PARP2: variants seen among roughly 807,000 people sequenced by gnomAD.
The protein encoded by PARP2 is poly [ADP-ribose] polymerase 2.
Under a neutral mutation model 77.8 loss-of-function variants are expected in PARP2, and 57 were observed. That is an observed-to-expected ratio of 0.73 (90% CI 0.59 to 0.91). PARP2 has a LOEUF of 0.91. Ranked by LOEUF, PARP2 falls within the 40% of genes least tolerant of loss-of-function variation. The pLI, the probability that PARP2 is intolerant of heterozygous loss-of-function variation, is 0.00. For synonymous variants in PARP2, 226 were observed against 242.6 expected (o/e 0.93, Z 0.64); for missense variants, 651 against 689.0 (o/e 0.94, Z 0.62).
rs1015519346 is a variant in PARP2 at position 20,355,790 on chromosome 14, T to C, written c.941T>C (p.Leu314Pro). ...CCACTAATCCGGACACAGAAGGAAC[T>C]GTCAGAAAAAATACAATTACTAGAG... The part of the protein sequence containing the change: ...TPPLIRTQKE[L>P]SEKIQLLEAL... The change falls in exon 10 of 16, where the codon CTG becomes CCG. Residue 314 changes from leucine (L) to proline (P), a missense_variant. Coordinates refer to ENST00000429687, the MANE Select transcript of PARP2 (RefSeq NM_001042618.2). 1 of 1,613,474 alleles carries C rather than the reference T, an allele frequency of 6.2e-7. No homozygotes were observed. The highest frequency in any genetic ancestry group is 8.5e-7 in the Non-Finnish European group (1 of 1,179,512).
intron 9 of PARP2, 172 bp downstream of exon 9, chr14:20,355,119 G>A (rs1884097843): frequency 5.1e-6 from 3 of 583,524 alleles, no homozygotes; most frequent in Non-Finnish European, 8.6e-6. Flanking sequence ...TTACAAATAT[G>A]GGATGCAATC....
Position 20,356,033 on chromosome 14 carries a change from T to C in PARP2, c.1101+2T>C. 6.2e-7 allele frequency: 1 copy of C among 1,613,100 alleles called. No homozygotes were observed. The highest frequency in any genetic ancestry group is 8.5e-7 in the Non-Finnish European group (1 of 1,179,582). Reference sequence around the variant, plus strand: ...GACCATGAAAGTTATGAGTTCAAAGTAAGAAAAATGATCATTTATTTTCAT... The same window carrying C: ...GACCATGAAAGTTATGAGTTCAAAGCAAGAAAAATGATCATTTATTTTCAT... On this transcript the variant is annotated splice_donor_variant, in intron 11 of 15. Transcript: ENST00000429687. LOFTEE classifies it high-confidence loss of function.
chr14:20,347,010 CT>C (rs201999457), intron 4 of PARP2, 97 bp downstream of exon 4: 101,169 of 496,780 alleles, frequency 0.2, 242 homozygotes, highest in Non-Finnish European at 0.23. Flanking sequence ...TTTAAAGTCC[CT>C]TTTTTTTTTT....
At chr14:20,356,958 T>C (rs1039257994) in intron 13 of PARP2, 93 bp from the exon 14 acceptor site, 11 of 850,628 alleles carry the variant, frequency 1.3e-5, no homozygotes, top group Non-Finnish European at 2.0e-5. Flanking sequence ...TATATTGTGT[T>C]TAAGGGAATG....
In PARP2 at chr14:20,357,758, C is replaced by T; in HGVS notation, c.1674C>T (p.Tyr558=). Residue 558 remains tyrosine (Y), a synonymous_variant, in exon 16 of 16, where the codon TAC becomes TAT. Transcript: ENST00000429687. ...ACCCCAACCAGGTCCGTATGCGGTA[C>T]CTTTTAAAGGTTCAGTTTAATTTCC... ...VYNPNQVRMR[Y]LLKVQFNFLQ... is the part of the protein sequence containing the mutation. 1 of 1,613,540 alleles carries T rather than the reference C, an allele frequency of 6.2e-7. No individual in the cohort carries two copies. Among genetic ancestry groups the T allele is most frequent in the South Asian group, 1.1e-5 (1 of 90,910 alleles).
rs372400226 is a variant in PARP2 at position 20,357,487 on chromosome 14, A to C, written c.1520A>C (p.Lys507Thr). ...QGKHSTKGLG[K>T]MAPSSAHFVT... is the part of the protein sequence containing the mutation. Reference sequence around the variant, plus strand: ...AAACATAGCACCAAGGGGCTGGGCAAGATGGCTCCCAGTTCTGCCCACTTC... The same window carrying C: ...AAACATAGCACCAAGGGGCTGGGCACGATGGCTCCCAGTTCTGCCCACTTC... Residue 507 changes from lysine to threonine, a missense_variant, in exon 15 of 16, where the codon AAG becomes ACG. By Grantham distance (78) the Lys-to-Thr change is moderately conservative. Transcript: ENST00000429687. The C allele has an allele frequency of 1.2e-6, 2 of 1,613,558 alleles. No individual in the cohort carries two copies. The highest frequency in any genetic ancestry group is 1.7e-6 in the Non-Finnish European group (2 of 1,179,876).
intron 4 of PARP2, 81 bp from the exon 5 acceptor site, chr14:20,350,445 G>A (rs1172718560): frequency 4.4e-6 from 3 of 686,496 alleles, no homozygotes; most frequent in East Asian, 2.5e-5. Flanking sequence ...ACTGGCACCT[G>A]TGACGAAGGA....
At position 20,352,311 on chromosome 14, in the gene PARP2, T is replaced by C. The variant is rs1267973041; in HGVS notation, c.564T>C (p.Tyr188=). 2 of 1,611,692 alleles carry C rather than the reference T, an allele frequency of 1.2e-6. No individual in the cohort carries two copies. The highest frequency in any genetic ancestry group is 1.3e-5 in the African/African-American group (1 of 74,878). ...REKFEKVPGK[Y]DMLQMDYATN... Reference sequence around the variant, plus strand: ...AGTTTGAGAAGGTGCCTGGAAAATATGATATGCTACAGATGGACTATGCCA... The same window carrying C: ...AGTTTGAGAAGGTGCCTGGAAAATACGATATGCTACAGATGGACTATGCCA... Residue 188 remains tyrosine (Y), a synonymous_variant, in exon 7 of 16, where the codon TAT becomes TAC. Coordinates refer to ENST00000429687, the MANE Select transcript of PARP2 (RefSeq NM_001042618.2).
chr14:20,344,937 A>C lies in PARP2; in HGVS notation c.52A>C (p.Asn18His). Residue 18 changes from asparagine to histidine, a missense_variant, in exon 2 of 16, where the codon AAT becomes CAT. Asn to His is a moderately conservative substitution (Grantham distance 68, BLOSUM62 1). Coordinates refer to ENST00000429687, the MANE Select transcript of PARP2 (RefSeq NM_001042618.2). ...STGGGRARAL[N>H]ESKRVNNGNT... ...CTAATTTCCAAATTCTGTAGCATTA[A>C]ATGAAAGCAAAAGAGTTAATAATGG... 1 of 1,612,190 alleles carries C rather than the reference A, an allele frequency of 6.2e-7. No individual in the cohort carries two copies. Among genetic ancestry groups the C allele is most frequent in the Middle Eastern group, 1.7e-4 (1 of 6,058 alleles).
chr14:20,345,209 C>G, intron 2 of PARP2, 122 bp downstream of exon 2: 1 of 1,179,502 alleles, frequency 8.5e-7, no homozygotes. Context: ...TTTCTCTATC[C>G]TTTGGGCATA....
In PARP2 at chr14:20,356,698, A is replaced by C; in HGVS notation, c.1329+9A>C. ...CCATCACAGGTTACATGGTGAGTGAAATTGAACTCTGGGAGGAGCACAGGG... is the reference window on the plus strand; with the variant it reads ...CCATCACAGGTTACATGGTGAGTGACATTGAACTCTGGGAGGAGCACAGGG... On this transcript the variant is annotated intron_variant, in intron 13 of 15. Transcript: ENST00000429687. 1 of 1,597,452 alleles carries C rather than the reference A, an allele frequency of 6.3e-7. No individual in the cohort carries two copies. The highest frequency in any genetic ancestry group is 8.6e-7 in the Non-Finnish European group (1 of 1,164,770).
chr14:20,346,838 A>G, intron 3 of PARP2, 25 bp from the exon 4 acceptor site: 1 of 1,550,132 alleles, frequency 6.5e-7, no homozygotes. Context: ...ACTAATGTTG[A>G]TTTTTTCTCT....
At chr14:20,357,256 G>A (rs1884191881) in intron 14 of PARP2, 107 bp downstream of exon 14, 2 of 1,323,020 alleles carry the variant, frequency 1.5e-6, no homozygotes, top group Admixed American at 3.5e-5. Flanking sequence ...TAGCTTGAGA[G>A]AGGACCAAGT....
At chr14:20,349,498 A>G (rs1883883416) in intron 4 of PARP2, among the ~76,000 whole-genome samples, 1 of 142,140 alleles carries the variant, frequency 7.0e-6, no homozygotes, top group Admixed American at 6.9e-5. Flanking sequence ...TTGAAACTCC[A>G]TGTCTACTAA....
At chr14:20,345,133 G>A in intron 2 of PARP2, 46 bp downstream of exon 2, 1 of 1,600,484 alleles carries the variant, frequency 6.2e-7, no homozygotes, top group Non-Finnish European at 8.6e-7. Context: ...TCTGGTAGGA[G>A]TGGATCTGGG....
Position 20,346,832 on chromosome 14 carries a change from A to C in PARP2, c.274-31A>C, listed in dbSNP as rs748153170. 3.4e-6 allele frequency: 5 copies of C among 1,469,692 alleles called. No homozygotes were observed. In the Admixed American group the frequency reaches 8.4e-5, roughly 25 times the overall value. The allele number at this position is 1,469,692 out of a possible 1,614,324, so 91.0% of individuals were successfully genotyped here. A position where few individuals can be genotyped will look rare whatever the true frequency, so the allele number is the denominator to read the frequency against. On this transcript the variant is annotated intron_variant, in intron 3 of 15. Transcript: ENST00000429687. ...GGATGTCAGGGCTGAACCTATACTA[A>C]TGTTGATTTTTTCTCTCTCTCCCTT...
chr14:20,345,412 T>C lies in PARP2; in HGVS notation c.221T>C (p.Leu74Pro), dbSNP rs1157362137. ...DKQDESVKAL[L>P]LKGKAPVDPE... is the part of the protein sequence containing the mutation. ...TCCTCAGAATCTGTGAAGGCCTTGCTGTTAAAGGGCAAAGCTCCTGTGGAC... is the reference window on the plus strand; with the variant it reads ...TCCTCAGAATCTGTGAAGGCCTTGCCGTTAAAGGGCAAAGCTCCTGTGGAC... The change falls in exon 3 of 16, where the codon CTG (leucine) becomes CCG (proline). Residue 74 changes from leucine to proline, a missense_variant. Transcript: ENST00000429687. 8.7e-6 allele frequency: 14 copies of C among 1,613,810 alleles called. No homozygotes were observed. Among genetic ancestry groups the C allele is most frequent in the African/African-American group, 1.3e-5 (1 of 74,920 alleles).
rs187485991 is a variant in PARP2, at chr14:20,353,789, G to A, written c.601-296G>A. 2.8e-4 allele frequency among the ~76,000 whole-genome samples: 43 copies of A among 152,244 alleles called. 1 individual carries two copies. Among genetic ancestry groups the A allele is most frequent in the African/African-American group, 9.9e-4 (41 of 41,532 alleles). ...ATAATAGCTGTCTTTACACACTGAC[G>A]TCATGAGGAAAGCCTTTTTTTTCTA... On this transcript the variant is annotated intron_variant, in intron 7 of 15. Transcript: ENST00000429687.
In PARP2 at chr14:20,352,308, A is replaced by G; in HGVS notation, c.561A>G (p.Lys187=). The change falls in exon 7 of 16, where the codon AAA becomes AAG. Residue 187 remains lysine (K), a synonymous_variant. Coordinates refer to ENST00000429687, the MANE Select transcript of PARP2 (RefSeq NM_001042618.2). ...DREKFEKVPG[K]YDMLQMDYAT... is the part of the protein sequence containing the mutation. ...AAAAGTTTGAGAAGGTGCCTGGAAA[A>G]TATGATATGCTACAGATGGACTATG... is the stretch of plus-strand genomic sequence containing the variant. 1 of 1,612,338 alleles carries G rather than the reference A, an allele frequency of 6.2e-7. No individual in the cohort carries two copies. Among genetic ancestry groups the G allele is most frequent in the East Asian group, 2.2e-5 (1 of 44,878 alleles).
Sources: allele counts gnomAD v4.1 joint callset (sites outside exome capture counted in the v4.1 genomes callset), GRCh38; gene constraint gnomAD v4.1.1; transcripts MANE v1.5; gene names NCBI Gene and HGNC (gene_info 2026-07-23, HGNC 2026-07-21).